Variants in AKAP6 observed in about 807,000 individuals in gnomAD.
AKAP6 encodes A-kinase anchor protein 6.
Under a neutral mutation model 188.5 loss-of-function variants are expected in AKAP6, and 58 were observed. That is an observed-to-expected ratio of 0.31 (90% CI 0.25 to 0.38). The LOEUF is 0.38. Ranked by LOEUF, AKAP6 falls within the 10% of genes least tolerant of loss-of-function variation. The probability of loss-of-function intolerance (pLI) is 1.00; values close to 1 mark genes in which losing one functional copy is unlikely to be tolerated. For synonymous variants in AKAP6, 989 were observed against 998.6 expected, an observed-to-expected ratio of 0.99 and a Z score of 0.18; for missense variants, 2,710 against 2,740.0, an observed-to-expected ratio of 0.99 and a Z score of 0.24.
At position 32,457,674 on chromosome 14, in the gene AKAP6, G is replaced by A. The variant is rs116202308; in HGVS notation, c.324+23857G>A. ...GCTGACATCCTGATAGAGTTCAGGC[G>A]CCTGGTGAAGCTACACAGACGGTGC... On this transcript the variant is annotated intron_variant, in intron 2 of 13. Transcript: ENST00000280979. Among the ~76,000 whole-genome samples, 1,348 of 152,218 alleles carry A rather than the reference G, an allele frequency of 8.9e-3. 21 individuals are homozygous for A. Among genetic ancestry groups the A allele is most frequent in the African/African-American group, 0.031 (1,295 of 41,514 alleles).
intron 10 of AKAP6, chr14:32,732,834 A>T (rs1240076782): frequency 1.6e-6 from 1 of 611,012 alleles, no homozygotes; most frequent in African/African-American, 1.9e-5. Context: ...GTTCTTTAAT[A>T]CATGAAAAAG....
In AKAP6 at chr14:32,577,146, C is replaced by T. The variant is rs1390966303; in HGVS notation, c.2373C>T (p.Phe791=). The change falls in exon 5 of 14, where the codon TTC becomes TTT. Residue 791 remains phenylalanine, a synonymous_variant. Coordinates refer to ENST00000280979, the MANE Select transcript of AKAP6 (RefSeq NM_004274.5). ...GGTTTGTAAACAAACTGGATGAATT[C>T]ATTCAATGGTTAAATGAAGCCATGG... ...IEGFVNKLDE[F]IQWLNEAMET... The T allele has an allele frequency of 6.2e-7, 1 of 1,609,934 alleles. No homozygotes were observed. Among genetic ancestry groups the T allele is most frequent in the African/African-American group, 1.3e-5 (1 of 74,614 alleles).
chr14:32,352,879 T>C (rs1294539086), intron 1 of AKAP6, among the ~76,000 whole-genome samples: 2 of 152,228 alleles, frequency 1.3e-5, no homozygotes, highest in African/African-American at 4.8e-5. Context: ...AGATGTCTCT[T>C]TGACATAGTG....
intron 1 of AKAP6, among the ~76,000 whole-genome samples, chr14:32,393,081 CA>C (rs1457561638): frequency 6.6e-6 from 1 of 151,904 alleles, no homozygotes; most frequent in Non-Finnish European, 1.5e-5. Context: ...AAAGTATTTG[CA>C]TAATCTCAAA....
At chr14:32,457,719 C>A (rs1310368275) in intron 2 of AKAP6, among the ~76,000 whole-genome samples, 1 of 152,132 alleles carries the variant, frequency 6.6e-6, no homozygotes, top group Non-Finnish European at 1.5e-5. Context: ...AGACCACATG[C>A]TTTTCATCTA....
chr14:32,609,880 G>GACACACACACAC (rs71115085), intron 7 of AKAP6, among the ~76,000 whole-genome samples: 117 of 137,420 alleles, frequency 8.5e-4, no homozygotes, highest in African/African-American at 3.0e-3. Context: ...CTCTCTCTCT[G>GACACACACACAC]ACACACACAC....
intron 1 of AKAP6, among the ~76,000 whole-genome samples, chr14:32,381,490 CTG>C (rs1359658626): frequency 6.6e-5 from 10 of 152,240 alleles, no homozygotes. Context: ...TAAAAACTAA[CTG>C]AGAGCATATG....
chr14:32,668,114 G>A (rs535020827), intron 7 of AKAP6, among the ~76,000 whole-genome samples: 2 of 152,104 alleles, frequency 1.3e-5, no homozygotes, highest in Non-Finnish European at 2.9e-5. Flanking sequence ...CTATGTCATT[G>A]TGCAGAGATT....
At chr14:32,346,210 A>G (rs934164950) in intron 1 of AKAP6, among the ~76,000 whole-genome samples, 2 of 152,154 alleles carry the variant, frequency 1.3e-5, no homozygotes, top group Admixed American at 1.3e-4. Flanking sequence ...GTGTGCATAC[A>G]TGTGAAATTC....
At chr14:32,772,987 G>T (rs1318681357) in intron 11 of AKAP6, among the ~76,000 whole-genome samples, 1 of 152,182 alleles carries the variant, frequency 6.6e-6, no homozygotes, top group African/African-American at 2.4e-5. Flanking sequence ...CAATACAAAT[G>T]CTTCTGGGGG....
rs781675816 is a variant in AKAP6, at chr14:32,545,471, G to A, written c.818G>A (p.Gly273Asp). 2 of 1,614,202 alleles carry A rather than the reference G, an allele frequency of 1.2e-6. No homozygotes were observed. Among genetic ancestry groups the A allele is most frequent in the East Asian group, 2.2e-5 (1 of 44,886 alleles). Residue 273 changes from glycine (G) to aspartate (D), a missense_variant, in exon 4 of 14, where the codon GGT (glycine) becomes GAT (aspartate). Physicochemically the swap from Gly to Asp is moderately conservative, Grantham distance 94. This residue lies in a region of AKAP6 where 2,473 missense variants were observed against 2,426.1 expected (regional missense o/e 1.02). Transcript: ENST00000280979. ...TTTCCTGAGCTTATCCGAAGTGTTG[G>A]TTTACTTACGGTAGCTGCTGACTCT... is the stretch of plus-strand genomic sequence containing the variant. ...KEFPELIRSV[G>D]LLTVAADSIS...
intron 9 of AKAP6, among the ~76,000 whole-genome samples, chr14:32,715,348 A>C (rs2030134099): frequency 6.6e-6 from 1 of 152,074 alleles, no homozygotes; most frequent in South Asian, 2.1e-4. Flanking sequence ...TGAGGATGAG[A>C]CAATAAGAAT....
At chr14:32,406,040 A>T (rs1889281001) in intron 1 of AKAP6, among the ~76,000 whole-genome samples, 1 of 152,158 alleles carries the variant, frequency 6.6e-6, no homozygotes, top group Non-Finnish European at 1.5e-5. Flanking sequence ...AATAGGTAGC[A>T]CTCTGGAGGC....
At chr14:32,365,873 C>T (rs1211202994) in intron 1 of AKAP6, among the ~76,000 whole-genome samples, 1 of 152,188 alleles carries the variant, frequency 6.6e-6, no homozygotes, top group Non-Finnish European at 1.5e-5. Flanking sequence ...TTTTTACCTA[C>T]TATTTCCTTC....
intron 11 of AKAP6, among the ~76,000 whole-genome samples, chr14:32,744,942 A>G (rs1035900061): frequency 6.6e-6 from 1 of 152,072 alleles, no homozygotes; most frequent in Non-Finnish European, 1.5e-5. Context: ...TCAGATCCAG[A>G]ATTTCTGCAT....
At chr14:32,336,486 A>C (rs953131011) in intron 1 of AKAP6, among the ~76,000 whole-genome samples, 1 of 152,190 alleles carries the variant, frequency 6.6e-6, no homozygotes, top group Non-Finnish European at 1.5e-5. Flanking sequence ...TAAGAGAACA[A>C]ACATTTTACA....
At chr14:32,793,321 T>C (rs1022010633) in intron 12 of AKAP6, among the ~76,000 whole-genome samples, 2 of 151,822 alleles carry the variant, frequency 1.3e-5, no homozygotes, top group Non-Finnish European at 2.9e-5. Context: ...AATAAAGGGA[T>C]AGAGGAAAAT....
At chr14:32,431,229 A>C (rs565526769) in intron 1 of AKAP6, among the ~76,000 whole-genome samples, 6 of 152,032 alleles carry the variant, frequency 3.9e-5, no homozygotes, top group African/African-American at 1.4e-4. Flanking sequence ...TTATCTTCTG[A>C]TTGTTTTTTG....
intron 8 of AKAP6, among the ~76,000 whole-genome samples, chr14:32,687,643 A>G (rs1889995421): frequency 6.6e-6 from 1 of 152,126 alleles, no homozygotes; most frequent in African/African-American, 2.4e-5. Context: ...AAATCACTAG[A>G]CAACCCAAAG....
Sources: gnomAD v4.1 joint callset for allele counts (sites outside exome capture counted in the v4.1 genomes callset) on GRCh38, gnomAD v4.1.1 for gene constraint, gnomAD v4.1.1 regional missense constraint, MANE v1.5 for transcripts, NCBI Gene and HGNC (gene_info 2026-07-23, HGNC 2026-07-21) for gene names.